Variants in USP37 observed in about 807,000 individuals in gnomAD.
The protein encoded by USP37 is ubiquitin specific peptidase 37.
In USP37, 27 loss-of-function variants were observed where a neutral mutation model predicts 124.0. The observed-to-expected ratio is 0.22, with a 90% CI of 0.16 to 0.30. The LOEUF is 0.30. Among genes scored for constraint, USP37 ranks in the 10% least tolerant of loss-of-function variants. The pLI, the probability that USP37 is intolerant of heterozygous loss-of-function variation, is 1.00. For missense variants in USP37, 889 were observed against 1,140.4 expected (o/e 0.78, Z 3.17); for synonymous variants, 365 against 388.0 (o/e 0.94, Z 0.70).
At chr2:218,456,070 A>C (rs1328418189) in intron 24 of USP37, among the ~76,000 whole-genome samples, 1 of 151,938 alleles carries the variant, frequency 6.6e-6, no homozygotes, top group Non-Finnish European at 1.5e-5. Flanking sequence ...AAACGCATTA[A>C]TTTTATCTCA....
In USP37 at chr2:218,488,404, G is replaced by C. The variant is rs1292179181; in HGVS notation, c.1490C>G (p.Pro497Arg). Residue 497 changes from proline (P) to arginine (R), a missense_variant, in exon 15 of 26, where the codon CCC (proline) becomes CGC (arginine). By Grantham distance (103) the Pro-to-Arg change is moderately radical. This residue lies in a region of USP37 where 504 missense variants were observed against 714.3 expected (regional missense o/e 0.71). Transcript: ENST00000258399. ...IICKACGEII[P>R]KREQFNDLSI... is the part of the protein sequence containing the mutation. ...GAGGTCATTAAACTGTTCTCTTTTG[G>C]GGATAATCTCTCCACATCTGTAAGA... The C allele has an allele frequency of 6.2e-7, 1 of 1,606,110 alleles. No individual in the cohort carries two copies. The highest frequency in any genetic ancestry group is 1.3e-5 in the African/African-American group (1 of 74,546).
intron 10 of USP37, among the ~76,000 whole-genome samples, chr2:218,526,293 G>A (rs1458236363): frequency 6.6e-6 from 1 of 151,820 alleles, no homozygotes; most frequent in African/African-American, 2.4e-5. Flanking sequence ...GTGCAGTGGT[G>A]CAATCTTGGC....
At chr2:218,503,022 T>A (rs1164953136) in intron 11 of USP37, among the ~76,000 whole-genome samples, 1 of 152,162 alleles carries the variant, frequency 6.6e-6, no homozygotes, top group Non-Finnish European at 1.5e-5. Flanking sequence ...AAGAAACACA[T>A]TATCACGTTA....
intron 14 of USP37, among the ~76,000 whole-genome samples, chr2:218,493,777 G>A (rs977075057): frequency 1.3e-5 from 2 of 152,042 alleles, no homozygotes; most frequent in Non-Finnish European, 2.9e-5. Context: ...AGCCTGATAT[G>A]GCCTGCTTTC....
At chr2:218,484,820 T>G (rs1157677757) in intron 16 of USP37, among the ~76,000 whole-genome samples, 3 of 152,240 alleles carry the variant, frequency 2.0e-5, no homozygotes, top group Non-Finnish European at 1.5e-5. Flanking sequence ...CATAAATACT[T>G]AATGTTAATA....
chr2:218,554,609 T>C (rs1248221939), intron 4 of USP37, among the ~76,000 whole-genome samples: 2 of 151,948 alleles, frequency 1.3e-5, no homozygotes, highest in Middle Eastern at 3.2e-3. Flanking sequence ...TAGCCAGGCA[T>C]AGTGGAGCAC....
At chr2:218,496,323 A>C (rs1410148558) in intron 13 of USP37, among the ~76,000 whole-genome samples, 1 of 151,846 alleles carries the variant, frequency 6.6e-6, no homozygotes, top group East Asian at 1.9e-4. Context: ...CAACAACAAA[A>C]AACAAAACAA....
chr2:218,541,902 T>C (rs1162037377), intron 8 of USP37, among the ~76,000 whole-genome samples: 1 of 152,166 alleles, frequency 6.6e-6, no homozygotes, highest in African/African-American at 2.4e-5. Context: ...AGACTGTGTA[T>C]TTTCAATGTG....
chr2:218,498,223 G>T, intron 11 of USP37, 66 bp from the exon 12 acceptor site: 1 of 1,458,370 alleles, frequency 6.9e-7, no homozygotes, highest in South Asian at 1.4e-5. Flanking sequence ...CAGTATAGTA[G>T]GAGTTCTCCA....
intron 24 of USP37, among the ~76,000 whole-genome samples, chr2:218,456,493 T>A (rs762252729): frequency 6.7e-6 from 1 of 149,616 alleles, no homozygotes; most frequent in Non-Finnish European, 1.5e-5. Context: ...AAGAAAAAAA[T>A]ATTTGTATAT....
chr2:218,554,357 C>G (rs1053752459), intron 4 of USP37, among the ~76,000 whole-genome samples: 1 of 152,100 alleles, frequency 6.6e-6, no homozygotes, highest in African/African-American at 2.4e-5. Context: ...GTAGGGAATC[C>G]CTTATTTTCA....
chr2:218,553,436 T>C (rs777517755), intron 5 of USP37, 117 bp downstream of exon 5: 1 of 885,090 alleles, frequency 1.1e-6, no homozygotes, highest in Non-Finnish European at 1.6e-6. Context: ...AAATCTTATT[T>C]GCTCATGGTG....
chr2:218,517,914 C>G (rs1199683259), intron 10 of USP37, among the ~76,000 whole-genome samples: 1 of 152,142 alleles, frequency 6.6e-6, no homozygotes, highest in Non-Finnish European at 1.5e-5. Context: ...AGAGCCTCTT[C>G]TGAGTCATCG....
At chr2:218,504,878 C>A (rs1574896608) in intron 11 of USP37, among the ~76,000 whole-genome samples, 1 of 152,082 alleles carries the variant, frequency 6.6e-6, no homozygotes, top group East Asian at 1.9e-4. Context: ...TGAGCCATTA[C>A]ACTCAGCCTA....
rs1354033432 is a variant in USP37 at position 218,547,054 on chromosome 2, T to C, written c.467A>G (p.Asp156Gly). The change falls in exon 7 of 26, where the codon GAT (aspartate) becomes GGT (glycine). Residue 156 changes from aspartate (D) to glycine (G), a missense_variant. By Grantham distance (94) the Asp-to-Gly change is moderately conservative. This residue lies in a region of USP37 where 374 missense variants were observed against 386.0 expected (regional missense o/e 0.97). Transcript: ENST00000258399. ...ACCAAGAACTTTTCGAAATGGAATATCATCTTTAGTTTCCAAACTTCCTCT... is the reference window on the plus strand; with the variant it reads ...ACCAAGAACTTTTCGAAATGGAATACCATCTTTAGTTTCCAAACTTCCTCT... Reference protein sequence around the residue: ...AKRGSLETKDDIPFRKVLGNP... With the variant: ...AKRGSLETKDGIPFRKVLGNP... The C allele has an allele frequency of 1.9e-6, 3 of 1,604,834 alleles. No homozygotes were observed. The highest frequency in any genetic ancestry group is 2.5e-6 in the Non-Finnish European group (3 of 1,177,998).
chr2:218,463,175 AACACACAC>A (rs3835979), intron 22 of USP37, 123 bp downstream of exon 22: 80,934 of 523,896 alleles, frequency 0.15, 5,026 homozygotes, highest in East Asian at 0.27. Flanking sequence ...CCCCACAATA[AACACACAC>A]ACACACACAC....
intron 13 of USP37, among the ~76,000 whole-genome samples, chr2:218,496,530 T>A (rs1689088440): frequency 6.6e-6 from 1 of 152,182 alleles, no homozygotes; most frequent in African/African-American, 2.4e-5. Context: ...GAATAACTCC[T>A]CACTTTGTTA....
intron 20 of USP37, among the ~76,000 whole-genome samples, chr2:218,472,772 G>C (rs1048508207): frequency 1.3e-5 from 2 of 152,118 alleles, no homozygotes; most frequent in Non-Finnish European, 2.9e-5. Flanking sequence ...AGCCCAGCCT[G>C]AATCTCTTAA....
chr2:218,543,087 C>T (rs1390144319), intron 8 of USP37, among the ~76,000 whole-genome samples: 3 of 152,186 alleles, frequency 2.0e-5, no homozygotes, highest in East Asian at 1.9e-4. Flanking sequence ...TATAGCTCTA[C>T]AGTAAAAGAT....
Sources: allele counts gnomAD v4.1 joint callset (sites outside exome capture counted in the v4.1 genomes callset), GRCh38; gene constraint gnomAD v4.1.1; regional missense constraint gnomAD v4.1.1; transcripts MANE v1.5; gene names NCBI Gene and HGNC (gene_info 2026-07-23, HGNC 2026-07-21).